The following QRICH2 variants were observed in gnomAD, a reference collection of about 807,000 sequenced individuals.
QRICH2 encodes the protein glutamine rich 2.
QRICH2 carries 119 observed loss-of-function variants against 168.3 expected under a neutral mutation model. That is an observed-to-expected ratio of 0.71 (90% CI 0.61 to 0.82). QRICH2 has a LOEUF of 0.82. Ranked by LOEUF, QRICH2 falls within the 40% of genes least tolerant of loss-of-function variation. QRICH2 has a pLI of 0.00. For missense variants in QRICH2, 2,241 were observed against 2,491.6 expected, an observed-to-expected ratio of 0.90 and a Z score of 2.14; for synonymous variants, 894 against 951.2, an observed-to-expected ratio of 0.94 and a Z score of 1.11.
rs942340329 is a variant in QRICH2 at position 76,289,238 on chromosome 17, G to C, written c.3798+754C>G. Among the ~76,000 whole-genome samples, 5 of 152,244 alleles carry C rather than the reference G, an allele frequency of 3.3e-5. No individual in the cohort carries two copies. In the East Asian group the frequency reaches 7.7e-4, roughly 23 times the overall value. On this transcript the variant is annotated intron_variant, in intron 5 of 18. Transcript: ENST00000680821. Reference sequence around the variant, plus strand: ...GGGTCTTGCCCTGTCACTCAGGCTAGAGTGCCATGGCGTGATCATAGCTTA... The same window carrying C: ...GGGTCTTGCCCTGTCACTCAGGCTACAGTGCCATGGCGTGATCATAGCTTA...
chr17:76,290,328 C>G (rs2070965020), intron 4 of QRICH2, among the ~76,000 whole-genome samples: 1 of 152,048 alleles, frequency 6.6e-6, no homozygotes, highest in Admixed American at 6.6e-5. Context: ...GAATTCCAAC[C>G]ACTGCAAAAA....
At chr17:76,289,103 C>CA (rs541768411) in intron 5 of QRICH2, among the ~76,000 whole-genome samples, 18,394 of 81,122 alleles carry the variant, frequency 0.23, 1,326 homozygotes, top group Middle Eastern at 0.3. Flanking sequence ...GACTGTGTCT[C>CA]AAAAAAAAAA....
intron 7 of QRICH2, 30 bp from the exon 8 acceptor site, chr17:76,282,145 G>A (rs370913376): frequency 3.7e-5 from 58 of 1,579,112 alleles, no homozygotes; most frequent in Non-Finnish European, 4.4e-5. Flanking sequence ...CAGCAGCAGG[G>A]CAGTGAGGCC....
At chr17:76,290,734 G>T (rs1039052528) in intron 4 of QRICH2, among the ~76,000 whole-genome samples, 2 of 152,070 alleles carry the variant, frequency 1.3e-5, no homozygotes, top group African/African-American at 4.8e-5. Flanking sequence ...ACCTCCCAAT[G>T]CTACTGCTCT....
chr17:76,303,652 C>T (rs1453304366), intron 3 of QRICH2, among the ~76,000 whole-genome samples: 2 of 151,716 alleles, frequency 1.3e-5, no homozygotes, highest in African/African-American at 4.8e-5. Context: ...GGGCGGATCA[C>T]GAGGTGAGGA....
intron 16 of QRICH2, 35 bp downstream of exon 16, chr17:76,277,128 C>T: frequency 6.6e-7 from 1 of 1,512,648 alleles, no homozygotes. Context: ...CATGTCAGGG[C>T]CTCCCTCCCT....
intron 18 of QRICH2, among the ~76,000 whole-genome samples, chr17:76,274,529 GT>G (rs2070638237): frequency 6.6e-6 from 1 of 152,214 alleles, no homozygotes; most frequent in African/African-American, 2.4e-5. Context: ...CTTTGGTACT[GT>G]TTCCTGTTAA....
chr17:76,280,336 T>C lies in QRICH2; in HGVS notation c.4577A>G (p.Gln1526Arg). 1.9e-6 allele frequency: 3 copies of C among 1,614,222 alleles called. No individual in the cohort carries two copies. The highest frequency in any genetic ancestry group is 2.5e-6 in the Non-Finnish European group (3 of 1,180,030). ...ELVAKMSGQE[Q>R]DWQKMLDRLL... ...CCTGTCCAGCATCTTCTGCCAGTCC[T>C]GCTCCTGCCCGCTCATCTTGGCCAC... Residue 1526 changes from glutamine to arginine, a missense_variant, in exon 11 of 19, where the codon CAG (glutamine) becomes CGG (arginine). This residue lies in a region of QRICH2 where 2,047 missense variants were observed against 2,303.8 expected (regional missense o/e 0.89). Coordinates refer to ENST00000680821, the MANE Select transcript of QRICH2 (RefSeq NM_001388453.1). The surrounding 1 kb of genome is among the most constrained non-coding windows in gnomAD (Gnocchi z 7.4).
At position 76,280,314 on chromosome 17, in the gene QRICH2, G is replaced by A. The variant is rs202044537; in HGVS notation, c.4599C>T (p.Asp1533=). The part of the protein sequence containing the change: ...GQEQDWQKML[D]RLLTEMDNKL... ...TGTTGTCCATCTCTGTGAGCAGCCT[G>A]TCCAGCATCTTCTGCCAGTCCTGCT... Residue 1533 remains aspartate (D), a synonymous_variant, in exon 11 of 19, where the codon GAC becomes GAT. Coordinates refer to ENST00000680821, the MANE Select transcript of QRICH2 (RefSeq NM_001388453.1). This position sits in a 1 kb window ranked among gnomAD's most constrained non-coding sequence, Gnocchi z 7.4. 10 of 1,614,070 alleles carry A rather than the reference G, an allele frequency of 6.2e-6. No individual in the cohort carries two copies. The highest frequency in any genetic ancestry group is 2.7e-5 in the African/African-American group (2 of 74,946).
chr17:76,298,577 T>C (rs778225435), intron 3 of QRICH2, among the ~76,000 whole-genome samples: 5 of 151,992 alleles, frequency 3.3e-5, no homozygotes, highest in Admixed American at 6.6e-5. Context: ...CGCCTTGACT[T>C]TAAGTACTGG....
At position 76,296,276 on chromosome 17, in the gene QRICH2, G is replaced by A. The variant is rs117017175; in HGVS notation, c.706-2255C>T. Among the ~76,000 whole-genome samples the A allele has an allele frequency of 4.6e-3, 704 of 152,242 alleles. 3 individuals are homozygous for A. The highest frequency in any genetic ancestry group is 0.031 in the Middle Eastern group (9 of 294). ...ATGAAACGGTGGTTTCCTACATACT[G>A]GATATCAAGTTATGAAGGACAATAA... On this transcript the variant is annotated intron_variant, in intron 3 of 18. Coordinates refer to ENST00000680821, the MANE Select transcript of QRICH2 (RefSeq NM_001388453.1).
At chr17:76,290,538 G>A (rs559815996) in intron 4 of QRICH2, among the ~76,000 whole-genome samples, 10 of 151,482 alleles carry the variant, frequency 6.6e-5, no homozygotes, top group East Asian at 5.8e-4. Flanking sequence ...GTGCCACCAC[G>A]CCTGGCTAAT....
chr17:76,291,442 C>A lies in QRICH2; in HGVS notation c.3285G>T (p.Gln1095His), dbSNP rs149951430. 4.3e-6 allele frequency: 7 copies of A among 1,614,018 alleles called. No individual in the cohort carries two copies. In the African/African-American group the frequency reaches 6.7e-5, roughly 15 times the overall value. ...CAAAGAGAGAGAAAGCATGGCCATG[C>A]TGAGCTGCATCTGGGTATACCTGGT... ...EHDQVYPDAAQHGHAFSLFDS... is the reference protein window; with the variant it reads ...EHDQVYPDAAHHGHAFSLFDS... Residue 1095 changes from glutamine (Q) to histidine (H), a missense_variant, in exon 4 of 19, where the codon CAG (glutamine) becomes CAT (histidine). Physicochemically the swap from Gln to His is conservative, Grantham distance 24. Transcript: ENST00000680821.
In QRICH2 at chr17:76,307,970, C is replaced by A. The variant is rs1016150239; in HGVS notation, c.29G>T (p.Arg10Leu). 8.9e-6 allele frequency: 11 copies of A among 1,233,396 alleles called. No individual in the cohort carries two copies. The highest frequency in any genetic ancestry group is 9.1e-6 in the Non-Finnish European group (9 of 988,662). 76.4% of individuals were successfully genotyped at this position (1,233,396 alleles called of 1,614,324 possible). Reference sequence around the variant, plus strand: ...GCCGATGGAGAGGTCCGCCAGCTCCCGGAGGGAGACCGTGGTCGCGGGCGG... The same window carrying A: ...GCCGATGGAGAGGTCCGCCAGCTCCAGGAGGGAGACCGTGGTCGCGGGCGG... MPPATTVSL[R>L]ELADLSIGTP... Residue 10 changes from arginine to leucine, a missense_variant, in exon 1 of 19, where the codon CGG (arginine) becomes CTG (leucine). Physicochemically the swap from Arg to Leu is moderately radical, Grantham distance 102 (BLOSUM62 -2). This residue lies in a region of QRICH2 where 2,047 missense variants were observed against 2,303.8 expected (regional missense o/e 0.89). Coordinates refer to ENST00000680821, the MANE Select transcript of QRICH2 (RefSeq NM_001388453.1). The surrounding 1 kb of genome is among the most constrained non-coding windows in gnomAD (Gnocchi z 5.3).
intron 3 of QRICH2, among the ~76,000 whole-genome samples, chr17:76,299,852 A>T (rs1312570222): frequency 2.0e-5 from 3 of 148,372 alleles, no homozygotes; most frequent in Non-Finnish European, 4.5e-5. Context: ...TTTGAGACGG[A>T]GTTTCGCTCT....
chr17:76,279,422 G>A lies in QRICH2; in HGVS notation c.4755C>T (p.Leu1585=). The A allele has an allele frequency of 6.2e-7, 1 of 1,611,212 alleles. No homozygotes were observed. The highest frequency in any genetic ancestry group is 1.1e-5 in the South Asian group (1 of 90,440). The change falls in exon 13 of 19, where the codon CTC becomes CTT. Residue 1585 remains leucine (L), a synonymous_variant. Transcript: ENST00000680821. ...ADEAAAMRRQ[L]LAHFHCLSCD... is the part of the protein sequence containing the mutation. ...ATGAGAGGCAGTGGAAATGTGCCAGGAGCTGCCTGTTAGGAATGGGACGCA... is the reference window on the plus strand; with the variant it reads ...ATGAGAGGCAGTGGAAATGTGCCAGAAGCTGCCTGTTAGGAATGGGACGCA...
Position 76,274,115 on chromosome 17 carries a change from C to T in QRICH2, c.5628G>A (p.Glu1876=), listed in dbSNP as rs758571322. The change falls in exon 19 of 19, where the codon GAG becomes GAA. Residue 1876 remains glutamate (E), a synonymous_variant. Transcript: ENST00000680821. The part of the protein sequence containing the change: ...VDMPPGEGLE[E]PTRGPRSSTA... ...TGCTGGACCGCGGCCCCCGCGTGGG[C>T]TCCTCGAGCCCCTCCCCAGGAGGCA... 17 of 1,584,780 alleles carry T rather than the reference C, an allele frequency of 1.1e-5. No homozygotes were observed. In the South Asian group the frequency reaches 1.3e-4, roughly 12 times the overall value.
chr17:76,283,677 C>T (rs1241321781), intron 7 of QRICH2, among the ~76,000 whole-genome samples: 1 of 144,414 alleles, frequency 6.9e-6, no homozygotes, highest in Non-Finnish European at 1.5e-5. Flanking sequence ...AGTTTGAGAC[C>T]AGCCTGGCTA....
chr17:76,275,761 G>C, intron 18 of QRICH2, 58 bp downstream of exon 18: 1 of 1,579,216 alleles, frequency 6.3e-7, no homozygotes, highest in Non-Finnish European at 8.6e-7. Context: ...AGCAGGAAAG[G>C]GGGCCGGCAG....
Sources: allele counts gnomAD v4.1 joint callset (sites outside exome capture counted in the v4.1 genomes callset), GRCh38; gene constraint gnomAD v4.1.1; regional missense constraint gnomAD v4.1.1; non-coding constraint Gnocchi (gnomAD v3.1); transcripts MANE v1.5; gene names NCBI Gene and HGNC (gene_info 2026-07-23, HGNC 2026-07-21).